Variants in TPD52 observed in about 807,000 individuals in gnomAD.
TPD52 encodes the protein prostate and colon associated protein.
TPD52 carries 17 observed loss-of-function variants against 31.3 expected under a neutral mutation model. The ratio of observed to expected loss-of-function variants is 0.54; its 90% CI spans 0.37 to 0.82. TPD52 has a LOEUF of 0.82. TPD52 is among the 40% of genes least tolerant of loss of function. The pLI is 0.00. For synonymous variants in TPD52, 83 were observed against 89.6 expected (o/e 0.93, Z 0.42); for missense variants, 212 against 240.1 (o/e 0.88, Z 0.77).
chr8:80,096,237 C>T (rs1404695583), intron 1 of TPD52, among the ~76,000 whole-genome samples: 2 of 151,894 alleles, frequency 1.3e-5, no homozygotes, highest in Non-Finnish European at 2.9e-5. Flanking sequence ...GCCTGAGTGA[C>T]AAGAGCAAGA....
At chr8:80,040,951 G>A (rs1586130277) in intron 7 of TPD52, among the ~76,000 whole-genome samples, 2 of 152,192 alleles carry the variant, frequency 1.3e-5, no homozygotes, top group African/African-American at 4.8e-5. Context: ...ACAGGTCCCT[G>A]CATTTATGGC....
intron 1 of TPD52, among the ~76,000 whole-genome samples, chr8:80,101,448 C>CAAAAAAAAAAAAAAAAAA (rs113660828): frequency 8.7e-6 from 1 of 114,654 alleles, no homozygotes; most frequent in African/African-American, 2.9e-5. Flanking sequence ...ACTCCCAGCT[C>CAAAAAAAAAAAAAAAAAA]AAAAAAAAAA....
intron 1 of TPD52, chr8:80,080,789 A>T: frequency 9.8e-7 from 1 of 1,023,414 alleles, no homozygotes; most frequent in Non-Finnish European, 1.2e-6. Context: ...GTTCTGCAAT[A>T]TGGCCCAGAG....
chr8:80,051,650 C>T (rs747443278), intron 3 of TPD52, 22 bp from the exon 4 acceptor site: 167 of 1,558,174 alleles, frequency 1.1e-4, no homozygotes, highest in Middle Eastern at 1.0e-3. Flanking sequence ...TATAAACACA[C>T]AGAGCAAAAG....
intron 1 of TPD52, chr8:80,080,600 G>C (rs1011772036): frequency 7.2e-7 from 1 of 1,383,398 alleles, no homozygotes; most frequent in African/African-American, 1.4e-5. Flanking sequence ...CTGGGCCCAG[G>C]TGCCAGCATT....
intron 2 of TPD52, among the ~76,000 whole-genome samples, chr8:80,063,860 G>C (rs985608258): frequency 7.6e-6 from 1 of 132,402 alleles, no homozygotes; most frequent in African/African-American, 2.8e-5. Flanking sequence ...AAGAAGTTAG[G>C]AAAGAAAAAA....
intron 1 of TPD52, among the ~76,000 whole-genome samples, chr8:80,122,004 C>A (rs1320190624): frequency 1.5e-5 from 2 of 137,734 alleles, no homozygotes; most frequent in Non-Finnish European, 3.0e-5. Context: ...CTTTGCTTTG[C>A]TTACTTACAC....
intron 1 of TPD52, among the ~76,000 whole-genome samples, chr8:80,155,700 A>G (rs1366279091): frequency 6.6e-6 from 1 of 152,086 alleles, no homozygotes; most frequent in African/African-American, 2.4e-5. Flanking sequence ...CCTGACCAAC[A>G]TGGAGAAACT....
intron 1 of TPD52, among the ~76,000 whole-genome samples, chr8:80,168,486 T>C (rs1324664377): frequency 1.3e-5 from 2 of 152,206 alleles, no homozygotes; most frequent in Admixed American, 1.3e-4. Context: ...ATCCTAAAAT[T>C]TTCTGCTTTG....
At chr8:80,132,409 T>C (rs1271681954) in intron 1 of TPD52, among the ~76,000 whole-genome samples, 1 of 152,088 alleles carries the variant, frequency 6.6e-6, no homozygotes, top group South Asian at 2.1e-4. Flanking sequence ...GGTTTTTCCA[T>C]GTTGTCCAGG....
intron 1 of TPD52, among the ~76,000 whole-genome samples, chr8:80,078,896 T>C (rs532803640): frequency 6.6e-6 from 1 of 152,066 alleles, no homozygotes; most frequent in African/African-American, 2.4e-5. Flanking sequence ...TGACCATAAC[T>C]TGGAAAATGA....
At chr8:80,081,081 T>G (rs1190856600) in intron 1 of TPD52, among the ~76,000 whole-genome samples, 4 of 152,124 alleles carry the variant, frequency 2.6e-5, no homozygotes, top group African/African-American at 4.8e-5. Flanking sequence ...AAGCTGTATT[T>G]CCATGATTAC....
chr8:80,036,402 C>T lies in TPD52; in HGVS notation c.*1714G>A, dbSNP rs756011126. On this transcript the variant is annotated 3_prime_UTR_variant, in exon 8 of 8. Coordinates refer to ENST00000518937, the MANE Select transcript of TPD52 (RefSeq NM_001025253.3). Reference sequence around the variant, plus strand: ...GACAGACTTCTACAGATCCACTCCTCTGAGAAAATGCTTCAACAGCCTGTG... The same window carrying T: ...GACAGACTTCTACAGATCCACTCCTTTGAGAAAATGCTTCAACAGCCTGTG... 5 of 152,594 alleles carry T rather than the reference C, an allele frequency of 3.3e-5. No homozygotes were observed. The highest frequency in any genetic ancestry group is 4.8e-5 in the African/African-American group (2 of 41,448). The allele number at this position is 152,594 out of a possible 1,614,324, so 9.5% of individuals were successfully genotyped here.
chr8:80,088,998 C>A (rs1563617441), intron 1 of TPD52, among the ~76,000 whole-genome samples: 1 of 152,178 alleles, frequency 6.6e-6, no homozygotes, highest in East Asian at 1.9e-4. Flanking sequence ...CCTGGCAGCT[C>A]TCTGTCAACC....
chr8:80,078,443 C>T (rs186295589), intron 1 of TPD52, among the ~76,000 whole-genome samples: 29 of 152,300 alleles, frequency 1.9e-4, no homozygotes, highest in African/African-American at 5.5e-4. Flanking sequence ...CGTAGAAATA[C>T]AAAGAGTGCA....
intron 1 of TPD52, among the ~76,000 whole-genome samples, chr8:80,161,732 A>ATATATTT (rs1277398110): frequency 2.8e-4 from 20 of 72,520 alleles, no homozygotes; most frequent in Non-Finnish European, 6.3e-5. Flanking sequence ...ATATATATAT[A>ATATATTT]TTTTTTTTTT....
chr8:80,076,437 AG>A, intron 1 of TPD52, among the ~76,000 whole-genome samples: 1 of 152,170 alleles, frequency 6.6e-6, no homozygotes, highest in African/African-American at 2.4e-5. Flanking sequence ...GTCACTTATA[AG>A]TGGGGGCAAA....
intron 1 of TPD52, among the ~76,000 whole-genome samples, chr8:80,114,350 T>C (rs1371123153): frequency 1.3e-5 from 2 of 152,230 alleles, no homozygotes; most frequent in African/African-American, 2.4e-5. Flanking sequence ...TTACCTAGCA[T>C]ACTATATGAT....
At chr8:80,120,151 T>C (rs1346536952) in intron 1 of TPD52, among the ~76,000 whole-genome samples, 1 of 152,090 alleles carries the variant, frequency 6.6e-6, no homozygotes, top group Admixed American at 6.6e-5. Flanking sequence ...ATTCAGTAGA[T>C]GGTATCTAAG....
Sources: gnomAD v4.1 joint callset for allele counts (sites outside exome capture counted in the v4.1 genomes callset) on GRCh38, gnomAD v4.1.1 for gene constraint, MANE v1.5 for transcripts, NCBI Gene and HGNC (gene_info 2026-07-23, HGNC 2026-07-21) for gene names.